The following CFLAR variants were observed in gnomAD, a reference collection of about 807,000 sequenced individuals.
CFLAR encodes CASP8 and FADD-like apoptosis regulator.
CFLAR carries 14 observed loss-of-function variants against 51.1 expected under a neutral mutation model. The ratio of observed to expected loss-of-function variants is 0.27; its 90% confidence interval spans 0.18 to 0.43. The LOEUF (loss-of-function observed/expected upper bound fraction) is 0.43. Ranked by LOEUF, CFLAR falls within the 20% of genes least tolerant of loss-of-function variation. CFLAR has a pLI of 1.00. For synonymous variants in CFLAR, 210 were observed against 211.6 expected (o/e 0.99, Z 0.06); for missense variants, 390 against 566.5 (o/e 0.69, Z 3.16).
chr2:201,162,934 C>T (rs760530762), intron 9 of CFLAR: 22 of 684,398 alleles, frequency 3.2e-5, no homozygotes, highest in Middle Eastern at 2.4e-4. Flanking sequence ...TGCTTTCATA[C>T]GAAGTAAGTA....
intron 4 of CFLAR, chr2:201,137,869 C>CG: frequency 1.2e-6 from 1 of 829,290 alleles, no homozygotes. Context: ...AAGCACTCGC[C>CG]GGGGGCCTCC....
At chr2:201,137,840 C>G in intron 4 of CFLAR, 1 of 1,049,074 alleles carries the variant, frequency 9.5e-7, no homozygotes, top group Admixed American at 1.7e-5. Context: ...ACTTCTTGAG[C>G]TGCATTCCGT....
chr2:201,151,691 A>T (rs1941302841), intron 8 of CFLAR, among the ~76,000 whole-genome samples: 2 of 151,484 alleles, frequency 1.3e-5, no homozygotes, highest in African/African-American at 4.8e-5. Flanking sequence ...TCATCAGTAG[A>T]TGTTGTACGT....
At chr2:201,127,679 C>G (rs183268259) in intron 1 of CFLAR, among the ~76,000 whole-genome samples, 1 of 152,186 alleles carries the variant, frequency 6.6e-6, no homozygotes, top group Non-Finnish European at 1.5e-5. Flanking sequence ...CATACACACA[C>G]GCTGCTATTT....
rs1943304412 is a variant in CFLAR at position 201,163,957 on chromosome 2, T to C, written c.1427T>C (p.Ile476Thr). ...CAGCACACTCTGAGAAAGAAACTTATCCTCTCCTACACATAAGAAACCAAA... is the reference window on the plus strand; with the variant it reads ...CAGCACACTCTGAGAAAGAAACTTACCCTCTCCTACACATAAGAAACCAAA... Reference protein sequence around the residue: ...WLQHTLRKKLILSYT With the variant: ...WLQHTLRKKLTLSYT Residue 476 changes from isoleucine to threonine, a missense_variant, in exon 10 of 10, where the codon ATC becomes ACC. Transcript: ENST00000309955. The C allele has an allele frequency of 1.9e-6, 3 of 1,613,862 alleles. No homozygotes were observed. Among genetic ancestry groups the C allele is most frequent in the African/African-American group, 2.7e-5 (2 of 75,010 alleles).
At chr2:201,141,380 A>G (rs1938818491) in intron 5 of CFLAR, 2 of 1,558,278 alleles carry the variant, frequency 1.3e-6, no homozygotes, top group African/African-American at 1.4e-5. Context: ...ACAGATGATA[A>G]CACCCTATGC....
In CFLAR at chr2:201,172,264, T is replaced by C. The variant is rs956643051; in HGVS notation, c.*8291T>C. On this transcript the variant is annotated 3_prime_UTR_variant, in exon 10 of 10. Coordinates refer to ENST00000309955, the MANE Select transcript of CFLAR (RefSeq NM_003879.7). ...TGATGGATCTCCTAAATTTTAACTT[T>C]TATAAAATATTTTGATACATTCATG... 3.3e-5 allele frequency: 5 copies of C among 152,224 alleles called. No individual in the cohort carries two copies. The highest frequency in any genetic ancestry group is 7.3e-5 in the Non-Finnish European group (5 of 68,038). The allele number at this position is 152,224 out of a possible 1,614,324, so 9.4% of individuals were successfully genotyped here.
intron 1 of CFLAR, among the ~76,000 whole-genome samples, chr2:201,127,949 T>C (rs1185221535): frequency 6.6e-6 from 1 of 152,186 alleles, no homozygotes. Flanking sequence ...TTGTTAACTC[T>C]TGGTGGCATT....
chr2:201,144,067 G>C (rs1243757994), intron 5 of CFLAR: 7 of 152,080 alleles, frequency 4.6e-5, no homozygotes, highest in African/African-American at 1.7e-4. Context: ...ACATGCATGC[G>C]GCCAATTTCT....
intron 8 of CFLAR, among the ~76,000 whole-genome samples, chr2:201,157,567 G>A (rs1390218876): frequency 6.6e-6 from 1 of 151,952 alleles, no homozygotes; most frequent in Non-Finnish European, 1.5e-5. Context: ...TGTAGAGACG[G>A]GGTTCCCTGT....
At chr2:201,127,743 T>C (rs1289452770) in intron 1 of CFLAR, among the ~76,000 whole-genome samples, 1 of 152,124 alleles carries the variant, frequency 6.6e-6, no homozygotes, top group African/African-American at 2.4e-5. Flanking sequence ...CCTTTTGATA[T>C]TTTCTTTCAA....
chr2:201,128,183 T>G (rs1471136971), intron 1 of CFLAR, among the ~76,000 whole-genome samples: 4 of 152,334 alleles, frequency 2.6e-5, no homozygotes, highest in African/African-American at 9.6e-5. Context: ...TAACAACTGT[T>G]GACAAAATTG....
intron 9 of CFLAR, 83 bp from the exon 10 acceptor site, chr2:201,163,752 T>C: frequency 6.5e-7 from 1 of 1,533,076 alleles, no homozygotes; most frequent in South Asian, 1.3e-5. Context: ...AACTTTCACA[T>C]CTGTTGGCTC....
chr2:201,148,352 C>T (rs1940650288), intron 6 of CFLAR: 1 of 151,576 alleles, frequency 6.6e-6, no homozygotes. Flanking sequence ...CGCTCTGTTG[C>T]CCACTTTGGA....
At chr2:201,155,716 C>T (rs1386159438) in intron 8 of CFLAR, among the ~76,000 whole-genome samples, 4 of 152,074 alleles carry the variant, frequency 2.6e-5, no homozygotes, top group Admixed American at 1.3e-4. Flanking sequence ...CTTCACCTCC[C>T]GGGCTCAAGC....
At position 201,138,945 on chromosome 2, in the gene CFLAR, G is replaced by A. The variant is rs1575709249; in HGVS notation, c.524-1412G>A. ...GCTATGAAGTCTATGAATCCTGGGA[G>A]AATCAAGAAGTCGTTGTAGGTGAGT... On this transcript the variant is annotated intron_variant, in intron 4 of 9. Transcript: ENST00000309955. The surrounding 1 kb of genome is among the most constrained non-coding windows in gnomAD (Gnocchi z 4.0). 1.6e-6 allele frequency: 1 copy of A among 612,406 alleles called. No individual in the cohort carries two copies. 37.9% of individuals were successfully genotyped at this position (612,406 alleles called of 1,614,324 possible).
At chr2:201,126,132 A>G (rs1184237770) in intron 1 of CFLAR, among the ~76,000 whole-genome samples, 2 of 152,258 alleles carry the variant, frequency 1.3e-5, no homozygotes, top group East Asian at 1.9e-4. Flanking sequence ...CTAACGCTCA[A>G]AGTTCTCTCA....
chr2:201,158,346 T>TTTGATATGTAA (rs1942519285), intron 8 of CFLAR, among the ~76,000 whole-genome samples: 4 of 152,262 alleles, frequency 2.6e-5, no homozygotes, highest in Admixed American at 2.6e-4. Context: ...GCATTTGTTC[T>TTTGATATGTAA]GTCCAAGCCT....
chr2:201,156,050 C>T (rs1338499178), intron 8 of CFLAR, among the ~76,000 whole-genome samples: 4 of 152,318 alleles, frequency 2.6e-5, no homozygotes, highest in South Asian at 2.1e-4. Flanking sequence ...TGAGCCACCA[C>T]GTAATCTTTG....
Sources: gnomAD v4.1 joint callset for allele counts (sites outside exome capture counted in the v4.1 genomes callset) on GRCh38, gnomAD v4.1.1 for gene constraint, Gnocchi (gnomAD v3.1) non-coding constraint, MANE v1.5 for transcripts, NCBI Gene and HGNC (gene_info 2026-07-23, HGNC 2026-07-21) for gene names.